The following NIPBL variants were observed in gnomAD, a reference collection of about 807,000 sequenced individuals.
NIPBL encodes nipped-B-like protein.
A neutral mutation model predicts 321.8 loss-of-function variants in NIPBL; 19 were observed. The ratio of observed to expected loss-of-function variants is 0.06; its 90% CI spans 0.04 to 0.09. The LOEUF is 0.09. NIPBL is among the 10% of genes least tolerant of loss of function. The pLI, the probability that NIPBL is intolerant of heterozygous loss-of-function variation, is 1.00. For missense variants in NIPBL, 2,210 were observed against 3,327.0 expected, an observed-to-expected ratio of 0.66 and a Z score of 8.26; for synonymous variants, 1,106 against 1,114.1, an observed-to-expected ratio of 0.99 and a Z score of 0.14.
intron 14 of NIPBL, 84 bp from the exon 15 acceptor site, chr5:37,002,578 A>C: frequency 1.1e-6 from 1 of 941,976 alleles, no homozygotes; most frequent in Non-Finnish European, 1.7e-6. Context: ...ATGTCTAAAA[A>C]TTTTATTAGA....
chr5:37,002,805 A>T lies in NIPBL; in HGVS notation c.3768+40A>T, dbSNP rs751002432. The T allele has an allele frequency of 6.2e-6, 7 of 1,129,890 alleles. No homozygotes were observed. The East Asian group carries it at 1.2e-4, about 20-fold the overall frequency. 70.0% of individuals were successfully genotyped at this position (1,129,890 alleles called of 1,614,324 possible). A position where few individuals can be genotyped will look rare whatever the true frequency, so the allele number is the denominator to read the frequency against. On this transcript the variant is annotated intron_variant, in intron 15 of 46. Transcript: ENST00000282516. ...TAAAATTTATAAATTTACTTCATAG[A>T]AACATTTGAAATTAATTTAAGGTTT...
intron 1 of NIPBL, among the ~76,000 whole-genome samples, chr5:36,907,398 A>G (rs146051475): frequency 6.6e-5 from 10 of 152,308 alleles, no homozygotes; most frequent in African/African-American, 1.9e-4. Flanking sequence ...GAAAATTCAG[A>G]TAAGCAAAAA....
At chr5:37,061,819 T>A (rs562692806) in intron 45 of NIPBL, among the ~76,000 whole-genome samples, 1 of 152,328 alleles carries the variant, frequency 6.6e-6, no homozygotes, top group South Asian at 2.1e-4. Context: ...GCATTTTTTT[T>A]AAGTTGTATT....
intron 1 of NIPBL, among the ~76,000 whole-genome samples, chr5:36,884,506 A>G (rs1398253165): frequency 6.6e-6 from 1 of 152,190 alleles, no homozygotes; most frequent in Non-Finnish European, 1.5e-5. Context: ...TTCCCTGATC[A>G]TTCCATTTCA....
chr5:36,971,458 A>G (rs576497706), intron 7 of NIPBL, among the ~76,000 whole-genome samples: 3 of 151,834 alleles, frequency 2.0e-5, no homozygotes, highest in South Asian at 2.1e-4. Flanking sequence ...GCCTGTATTT[A>G]TTAGTACTTG....
chr5:36,978,997 A>G (rs191492419), intron 9 of NIPBL, among the ~76,000 whole-genome samples: 138 of 152,032 alleles, frequency 9.1e-4, no homozygotes, highest in African/African-American at 3.2e-3. Flanking sequence ...CTAGTCTTGC[A>G]GTGTAGTTTG....
In NIPBL at chr5:36,975,932, C is replaced by G. The variant is rs1164612335; in HGVS notation, c.1025C>G (p.Ala342Gly). 2.5e-6 allele frequency: 4 copies of G among 1,613,518 alleles called. No homozygotes were observed. The highest frequency in any genetic ancestry group is 3.4e-6 in the Non-Finnish European group (4 of 1,179,686). Residue 342 changes from alanine to glycine, a missense_variant, in exon 9 of 47, where the codon GCG (alanine) becomes GGG (glycine). Ala to Gly is a moderately conservative substitution (Grantham distance 60, BLOSUM62 0). This residue lies in a region of NIPBL where 464 missense variants were observed against 529.5 expected (regional missense o/e 0.88). Coordinates refer to ENST00000282516, the MANE Select transcript of NIPBL (RefSeq NM_133433.4). ...GKDEKEQSEK[A>G]AMYDIISSPS... ...GATGAAAAAGAGCAGAGTGAGAAAG[C>G]GGCAATGTATGATATAATTAGTTCT...
At chr5:36,895,851 G>A (rs1746689399) in intron 1 of NIPBL, among the ~76,000 whole-genome samples, 1 of 152,122 alleles carries the variant, frequency 6.6e-6, no homozygotes, top group South Asian at 2.1e-4. Flanking sequence ...ACATATTCTA[G>A]ATACAAGTTC....
intron 34 of NIPBL, among the ~76,000 whole-genome samples, chr5:37,041,257 T>TTTG (rs1752323531): frequency 8.5e-6 from 1 of 118,136 alleles, no homozygotes; most frequent in African/African-American, 3.6e-5. Flanking sequence ...TGGTGGTTTT[T>TTTG]TTTTTTTTTT....
Position 37,057,251 on chromosome 5 carries a change from G to A in NIPBL, c.7329G>A (p.Gln2443=), listed in dbSNP as rs1397857482. The change falls in exon 43 of 47, where the codon CAG becomes CAA. Residue 2443 remains glutamine, a synonymous_variant. Coordinates refer to ENST00000282516, the MANE Select transcript of NIPBL (RefSeq NM_133433.4). ...DNLACFPYQT[Q]EEPLFIMHHI... is the part of the protein sequence containing the mutation. Reference sequence around the variant, plus strand: ...TAGCCTGTTTTCCATACCAGACACAGGAAGAGCCGTTGTTTATAATGCATC... The same window carrying A: ...TAGCCTGTTTTCCATACCAGACACAAGAAGAGCCGTTGTTTATAATGCATC... 1 of 1,613,868 alleles carries A rather than the reference G, an allele frequency of 6.2e-7. No individual in the cohort carries two copies.
intron 10 of NIPBL, among the ~76,000 whole-genome samples, chr5:36,987,555 A>G (rs1227816663): frequency 1.3e-5 from 2 of 152,172 alleles, no homozygotes; most frequent in Non-Finnish European, 2.9e-5. Flanking sequence ...CTTTGAAAAC[A>G]TATTATAAAG....
At chr5:36,999,638 T>C (rs370634515) in intron 11 of NIPBL, among the ~76,000 whole-genome samples, 185 of 152,320 alleles carry the variant, frequency 1.2e-3, no homozygotes, top group African/African-American at 4.3e-3. Flanking sequence ...CTCCTGTCAG[T>C]ACGGGTGATT....
intron 1 of NIPBL, among the ~76,000 whole-genome samples, chr5:36,925,677 G>A (rs1437204070): frequency 6.6e-6 from 1 of 152,096 alleles, no homozygotes; most frequent in East Asian, 1.9e-4. Context: ...CAACTAGTAC[G>A]TGGCAGAATT....
intron 9 of NIPBL, among the ~76,000 whole-genome samples, chr5:36,983,967 C>T (rs1744436486): frequency 1.3e-5 from 2 of 151,822 alleles, no homozygotes; most frequent in South Asian, 4.1e-4. Context: ...CCTATTGCTC[C>T]CTGATTTTAA....
chr5:37,029,176 G>A (rs1360998344), intron 32 of NIPBL, among the ~76,000 whole-genome samples: 2 of 152,150 alleles, frequency 1.3e-5, no homozygotes, highest in African/African-American at 2.4e-5. Context: ...ATGATATACA[G>A]TCATGTAACG....
intron 44 of NIPBL, among the ~76,000 whole-genome samples, chr5:37,059,421 C>A (rs1289475233): frequency 6.6e-6 from 1 of 152,132 alleles, no homozygotes; most frequent in African/African-American, 2.4e-5. Context: ...GCAGGAAAAT[C>A]GCTTAAACCT....
Position 37,002,756 on chromosome 5 carries a change from A to G in NIPBL, c.3759A>G (p.Ile1253Met). The G allele has an allele frequency of 6.4e-7, 1 of 1,562,956 alleles. No homozygotes were observed. Residue 1253 changes from isoleucine to methionine, a missense_variant, in exon 15 of 47, where the codon ATA becomes ATG. By Grantham distance (10) the Ile-to-Met change is conservative (BLOSUM62 1). This residue lies in a region of NIPBL where 381 missense variants were observed against 642.3 expected (regional missense o/e 0.59). Transcript: ENST00000282516. ...CTGCTAAAATAAAAGCAATGGGTATAATGGATAAGGTATCTCACCAAAGTA... is the reference window on the plus strand; with the variant it reads ...CTGCTAAAATAAAAGCAATGGGTATGATGGATAAGGTATCTCACCAAAGTA... ...SESAKIKAMG[I>M]MDKLSTDKTV... is the part of the protein sequence containing the mutation.
Position 36,922,873 on chromosome 5 carries a change from C to T in NIPBL, c.-79-30745C>T, listed in dbSNP as rs560082921. On this transcript the variant is annotated intron_variant, in intron 1 of 46. Transcript: ENST00000282516. ...TGATAAAGGGAATGTTAAAGGGTAACTGATTTGAACTACAGATTTCTTTTC... is the reference window on the plus strand; with the variant it reads ...TGATAAAGGGAATGTTAAAGGGTAATTGATTTGAACTACAGATTTCTTTTC... Among the ~76,000 whole-genome samples the T allele has an allele frequency of 1.1e-4, 17 of 152,234 alleles. No individual in the cohort carries two copies. In the South Asian group the frequency reaches 3.3e-3, roughly 30 times the overall value.
At position 37,037,629 on chromosome 5, in the gene NIPBL, CTTT is replaced by C. The variant is rs74479675; in HGVS notation, c.5972-961_5972-959del. Among the ~76,000 whole-genome samples the C allele has an allele frequency of 6.7e-5, 9 of 135,210 alleles. No individual in the cohort carries two copies. The Admixed American group carries it at 6.7e-4, about 10-fold the overall frequency. The allele number at this position is 135,210 out of a possible 152,430, so 88.7% of individuals were successfully genotyped here. A position where few individuals can be genotyped will look rare whatever the true frequency, so the allele number is the denominator to read the frequency against. On this transcript the variant is annotated intron_variant, in intron 33 of 46. Coordinates refer to ENST00000282516, the MANE Select transcript of NIPBL (RefSeq NM_133433.4). ...ATATGCTTTATATTTTTTATGCAGTCTTTTTTTTTTTTTTCCATGTGTACCTCT... is the reference window on the plus strand; with the variant it reads ...ATATGCTTTATATTTTTTATGCAGTCTTTTTTTTTTTCCATGTGTACCTCT...
Sources: allele counts gnomAD v4.1 joint callset (sites outside exome capture counted in the v4.1 genomes callset), GRCh38; gene constraint gnomAD v4.1.1; regional missense constraint gnomAD v4.1.1; transcripts MANE v1.5; gene names NCBI Gene and HGNC (gene_info 2026-07-23, HGNC 2026-07-21).